SH3GLB1: variants seen among roughly 807,000 people sequenced by gnomAD.
SH3GLB1 encodes the protein SH3 domain containing GRB2 like, endophilin B1, also known as endophilin-B1.
In SH3GLB1, 17 loss-of-function variants were observed where a neutral mutation model predicts 42.0. The observed-to-expected ratio is 0.40, with a 90% CI of 0.28 to 0.61. The LOEUF is 0.61. Among genes scored for constraint, SH3GLB1 ranks in the 20% least tolerant of loss-of-function variants. SH3GLB1 has a pLI of 0.36. For synonymous variants in SH3GLB1, 132 were observed against 146.6 expected, an observed-to-expected ratio of 0.90 and a Z score of 0.72; for missense variants, 355 against 426.3, an observed-to-expected ratio of 0.83 and a Z score of 1.47.
At chr1:86,733,330 T>G (rs1280896868) in intron 5 of SH3GLB1, among the ~76,000 whole-genome samples, 1 of 152,230 alleles carries the variant, frequency 6.6e-6, no homozygotes, top group African/African-American at 2.4e-5. Context: ...TTGCTGCTAC[T>G]TCCTTGTAGA....
rs528573032 is a variant in SH3GLB1 at position 86,716,196 on chromosome 1, G to T, written c.214+331G>T. On this transcript the variant is annotated intron_variant, in intron 2 of 8. Coordinates refer to ENST00000370558, the MANE Select transcript of SH3GLB1 (RefSeq NM_016009.5). ...GGAAGAATTGTCCCTAGATAATTAA[G>T]ACAAAGTTATATAGTTGCTTAAGTA... 1.4e-3 allele frequency among the ~76,000 whole-genome samples: 214 copies of T among 152,192 alleles called. 3 individuals are homozygous for T. In the Middle Eastern group the frequency reaches 0.027, roughly 19 times the overall value.
intron 4 of SH3GLB1, among the ~76,000 whole-genome samples, chr1:86,723,451 T>G (rs1570266700): frequency 6.6e-6 from 1 of 152,088 alleles, no homozygotes; most frequent in African/African-American, 2.4e-5. Flanking sequence ...GAGGCGGAGG[T>G]TGCAGTGAGC....
At chr1:86,705,251 C>T (rs991483332) in intron 1 of SH3GLB1, among the ~76,000 whole-genome samples, 5 of 152,180 alleles carry the variant, frequency 3.3e-5, no homozygotes, top group Non-Finnish European at 7.3e-5. Flanking sequence ...GCACTGTCCG[C>T]CTTTCTGATA....
rs1210707077 is a variant in SH3GLB1, at chr1:86,704,606, C to T, written c.-294C>T. 2.8e-5 allele frequency: 8 copies of T among 287,392 alleles called. No homozygotes were observed. Among genetic ancestry groups the T allele is most frequent in the South Asian group, 4.4e-5 (1 of 22,948 alleles). 17.8% of individuals were successfully genotyped at this position (287,392 alleles called of 1,614,324 possible). On this transcript the variant is annotated 5_prime_UTR_variant, in exon 1 of 9. Transcript: ENST00000370558. Reference sequence around the variant, plus strand: ...TCCCTTGGGACCCGGGTCCACACGGCGGGGTCGCCCGTCCATCTCCGGCTC... The same window carrying T: ...TCCCTTGGGACCCGGGTCCACACGGTGGGGTCGCCCGTCCATCTCCGGCTC...
rs1221702580 is a variant in SH3GLB1 at position 86,744,070 on chromosome 1, A to G, written c.*835A>G. 2 of 152,434 alleles carry G rather than the reference A, an allele frequency of 1.3e-5. No homozygotes were observed. Among genetic ancestry groups the G allele is most frequent in the African/African-American group, 4.8e-5 (2 of 41,460 alleles). The allele number at this position is 152,434 out of a possible 1,614,324, so 9.4% of individuals were successfully genotyped here. A position where few individuals can be genotyped will look rare whatever the true frequency, so the allele number is the denominator to read the frequency against. On this transcript the variant is annotated 3_prime_UTR_variant, in exon 9 of 9. Transcript: ENST00000370558. The stretch of plus-strand genomic sequence containing the variant: ...TTCTTATTGAACAGCAGATTTGTAT[A>G]CAAATACGGAATAATGCAACTACAT...
rs1038427414 is a variant in SH3GLB1, at chr1:86,744,741, G to A, written c.*1506G>A. ...ACACCGTTTTAAAATTTTGTGTTAA[G>A]AGCTCCTAATAAGAACTTGGTAAAC... On this transcript the variant is annotated 3_prime_UTR_variant, in exon 9 of 9. Transcript: ENST00000370558. The A allele has an allele frequency of 2.0e-5, 3 of 152,184 alleles. No homozygotes were observed. The highest frequency in any genetic ancestry group is 4.4e-5 in the Non-Finnish European group (3 of 68,042). The allele number at this position is 152,184 out of a possible 1,614,324, so 9.4% of individuals were successfully genotyped here.
chr1:86,740,153 A>C (rs926356395), intron 7 of SH3GLB1, among the ~76,000 whole-genome samples: 11 of 149,756 alleles, frequency 7.3e-5, no homozygotes, highest in African/African-American at 2.7e-4. Flanking sequence ...CCTGTATCAA[A>C]AAAAAAAAAA....
intron 1 of SH3GLB1, among the ~76,000 whole-genome samples, chr1:86,715,167 A>G (rs143416888): frequency 1.6e-4 from 25 of 152,326 alleles, no homozygotes; most frequent in African/African-American, 6.0e-4. Flanking sequence ...CACAATAAAC[A>G]TTAACAGCTC....
At chr1:86,723,427 T>C (rs531121063) in intron 4 of SH3GLB1, among the ~76,000 whole-genome samples, 17 of 152,058 alleles carry the variant, frequency 1.1e-4, no homozygotes, top group Admixed American at 6.5e-4. Context: ...GGTAGGAGAA[T>C]TGCTTGAACC....
At chr1:86,715,921 T>TA (rs139162261) in intron 2 of SH3GLB1, 56 bp downstream of exon 2, 68,390 of 1,431,128 alleles carry the variant, frequency 0.048, 956 homozygotes, top group East Asian at 0.15. Flanking sequence ...TTTTAAATGT[T>TA]AAAAAAAAAA....
intron 5 of SH3GLB1, chr1:86,728,331 T>C (rs1655311394): frequency 1.5e-6 from 1 of 657,576 alleles, no homozygotes; most frequent in South Asian, 2.8e-5. Flanking sequence ...GTGTTATTTA[T>C]TGTGAAGAAG....
intron 3 of SH3GLB1, among the ~76,000 whole-genome samples, chr1:86,720,320 C>T (rs1239953015): frequency 6.6e-6 from 1 of 152,120 alleles, no homozygotes; most frequent in East Asian, 1.9e-4. Flanking sequence ...GTACTTGGCA[C>T]GTAGTTCTTG....
Position 86,743,866 on chromosome 1 carries a change from C to A in SH3GLB1, c.*631C>A, listed in dbSNP as rs969747884. The stretch of plus-strand genomic sequence containing the variant: ...TGGTTTCTTTTAAATTTAAGAACAA[C>A]TAGTTCTTGAAAAGCAATACCGTAT... On this transcript the variant is annotated 3_prime_UTR_variant, in exon 9 of 9. Transcript: ENST00000370558. 1 of 152,194 alleles carries A rather than the reference C, an allele frequency of 6.6e-6. No individual in the cohort carries two copies. Among genetic ancestry groups the A allele is most frequent in the Non-Finnish European group, 1.5e-5 (1 of 67,922 alleles). 9.4% of individuals were successfully genotyped at this position (152,194 alleles called of 1,614,324 possible). A position where few individuals can be genotyped will look rare whatever the true frequency, so the allele number is the denominator to read the frequency against.
Position 86,704,582 on chromosome 1 carries a change from C to T in SH3GLB1, c.-318C>T, listed in dbSNP as rs931192253. The T allele has an allele frequency of 8.7e-6, 2 of 230,348 alleles. No homozygotes were observed. The highest frequency in any genetic ancestry group is 1.6e-3 in the Middle Eastern group (1 of 624). 14.3% of individuals were successfully genotyped at this position (230,348 alleles called of 1,614,324 possible). ...CGCCCCGCGGCCCGCGCTTGTTTTT[C>T]CCTTGGGACCCGGGTCCACACGGCG... On this transcript the variant is annotated 5_prime_UTR_variant, in exon 1 of 9. Coordinates refer to ENST00000370558, the MANE Select transcript of SH3GLB1 (RefSeq NM_016009.5).
At chr1:86,728,269 G>A in intron 5 of SH3GLB1, 1 of 432,690 alleles carries the variant, frequency 2.3e-6, no homozygotes, top group Non-Finnish European at 4.1e-6. Flanking sequence ...TAAATGTAGT[G>A]GGGGTTTTTT....
chr1:86,704,671 G>C lies in SH3GLB1; in HGVS notation c.-229G>C. 1 of 386,138 alleles carries C rather than the reference G, an allele frequency of 2.6e-6. No individual in the cohort carries two copies. Among genetic ancestry groups the C allele is most frequent in the South Asian group, 3.9e-5 (1 of 25,834 alleles). 23.9% of individuals were successfully genotyped at this position (386,138 alleles called of 1,614,324 possible). Reference sequence around the variant, plus strand: ...TCGTCGACGTTAGCGGCCGTTCTCCGAGCCGACTGACCCATCCTTGGCGCT... The same window carrying C: ...TCGTCGACGTTAGCGGCCGTTCTCCCAGCCGACTGACCCATCCTTGGCGCT... On this transcript the variant is annotated 5_prime_UTR_variant, in exon 1 of 9. Transcript: ENST00000370558.
intron 4 of SH3GLB1, among the ~76,000 whole-genome samples, chr1:86,723,627 T>C (rs1276061359): frequency 2.0e-5 from 3 of 152,344 alleles, no homozygotes; most frequent in Non-Finnish European, 2.9e-5. Flanking sequence ...TTACATACTA[T>C]ACAGAAGCTT....
At chr1:86,713,623 G>T (rs1477488898) in intron 1 of SH3GLB1, among the ~76,000 whole-genome samples, 1 of 152,030 alleles carries the variant, frequency 6.6e-6, no homozygotes, top group Non-Finnish European at 1.5e-5. Flanking sequence ...ACTCAGAGAT[G>T]CTGTTTCTCT....
chr1:86,728,104 T>C (rs1174310252), intron 5 of SH3GLB1, among the ~76,000 whole-genome samples: 3 of 151,960 alleles, frequency 2.0e-5, no homozygotes, highest in Admixed American at 1.3e-4. Flanking sequence ...AGTGAAAATT[T>C]AATAAAAATT....
Sources: allele counts gnomAD v4.1 joint callset (sites outside exome capture counted in the v4.1 genomes callset), GRCh38; gene constraint gnomAD v4.1.1; transcripts MANE v1.5; gene names NCBI Gene and HGNC (gene_info 2026-07-23, HGNC 2026-07-21).